Variants in DDX1 observed in about 807,000 individuals in gnomAD.
The protein encoded by DDX1 is DEAD-box helicase 1.
In DDX1, 28 loss-of-function variants were observed where a neutral mutation model predicts 108.7. The observed-to-expected ratio is 0.26, with a 90% CI of 0.19 to 0.35. The LOEUF (loss-of-function observed/expected upper bound fraction) is 0.35, where lower values mean the gene tolerates loss of function less well. Among genes scored for constraint, DDX1 ranks in the 10% least tolerant of loss-of-function variants. DDX1 has a pLI of 1.00. For missense variants in DDX1, 710 were observed against 884.5 expected (o/e 0.80, Z 2.50); for synonymous variants, 295 against 288.9 (o/e 1.02, Z -0.21).
intron 5 of DDX1, among the ~76,000 whole-genome samples, chr2:15,598,109 T>A (rs1241990159): frequency 6.6e-6 from 1 of 152,178 alleles, no homozygotes; most frequent in African/African-American, 2.4e-5. Context: ...TTTGTTTTGT[T>A]ATATTTTAAT....
At chr2:15,630,143 A>C in intron 25 of DDX1, 33 bp downstream of exon 25, 2 of 1,609,652 alleles carry the variant, frequency 1.2e-6, no homozygotes, top group Non-Finnish European at 1.7e-6. Flanking sequence ...TACAATTTTA[A>C]ATGTAAATAT....
At chr2:15,608,663 G>GTTTTTT (rs569566545) in intron 13 of DDX1, among the ~76,000 whole-genome samples, 281 of 106,672 alleles carry the variant, frequency 2.6e-3, no homozygotes, top group Non-Finnish European at 3.6e-3. Context: ...TTTTTTTTAG[G>GTTTTTT]TTTTTTTTTT....
At chr2:15,628,910 T>G in intron 23 of DDX1, 71 bp downstream of exon 23, 1 of 1,442,768 alleles carries the variant, frequency 6.9e-7, no homozygotes, top group Non-Finnish European at 9.7e-7. Context: ...TAAAAGCAGT[T>G]TGATTTTCCC....
intron 13 of DDX1, among the ~76,000 whole-genome samples, chr2:15,610,237 C>T (rs778125430): frequency 6.6e-6 from 1 of 152,172 alleles, no homozygotes; most frequent in Non-Finnish European, 1.5e-5. Flanking sequence ...GGCCTTTACT[C>T]TCCTGATACT....
At chr2:15,601,322 C>G (rs1283109016) in intron 6 of DDX1, among the ~76,000 whole-genome samples, 2 of 152,140 alleles carry the variant, frequency 1.3e-5, no homozygotes, top group Admixed American at 1.3e-4. Context: ...TAATTCAATT[C>G]AATTCTGACA....
intron 6 of DDX1, among the ~76,000 whole-genome samples, chr2:15,600,819 G>C (rs1157600833): frequency 1.6e-5 from 2 of 126,910 alleles, no homozygotes; most frequent in South Asian, 2.5e-4. Flanking sequence ...CGCGATCTCA[G>C]CTCACTGCAA....
At chr2:15,593,109 C>T (rs1017526455) in intron 1 of DDX1, among the ~76,000 whole-genome samples, 1 of 151,874 alleles carries the variant, frequency 6.6e-6, no homozygotes, top group East Asian at 1.9e-4. Flanking sequence ...TTAGTAGAGA[C>T]GGGGGTTTCA....
chr2:15,626,264 A>T (rs1226084301), intron 19 of DDX1, among the ~76,000 whole-genome samples: 1 of 152,170 alleles, frequency 6.6e-6, no homozygotes, highest in African/African-American at 2.4e-5. Context: ...TGCAGGATGC[A>T]ATAAAATCTC....
intron 10 of DDX1, 70 bp downstream of exon 10, chr2:15,604,579 C>G (rs1000821826): frequency 9.7e-6 from 10 of 1,031,912 alleles, no homozygotes; most frequent in Non-Finnish European, 1.2e-5. Context: ...TTAAAAATCC[C>G]CCCACCCTGT....
rs746667080 is a variant in DDX1, at chr2:15,591,895, A to G, written c.-39A>G. On this transcript the variant is annotated 5_prime_UTR_variant, in exon 1 of 26. Transcript: ENST00000233084. ...TGCCACGCCGTGTCAGTCGGGAGGG[A>G]GGGAGCGAGCAGGCGAAGCCGCGGA... is the stretch of plus-strand genomic sequence containing the variant. 6.1e-6 allele frequency: 9 copies of G among 1,466,598 alleles called. No individual in the cohort carries two copies. In the African/African-American group the frequency reaches 1.3e-4, roughly 22 times the overall value. The allele number at this position is 1,466,598 out of a possible 1,614,324, so 90.8% of individuals were successfully genotyped here.
In DDX1 at chr2:15,611,556, C is replaced by T. The variant is rs1426448098; in HGVS notation, c.957-1668C>T. Among the ~76,000 whole-genome samples the T allele has an allele frequency of 1.1e-4, 14 of 127,714 alleles. 1 individual carries two copies. Among genetic ancestry groups the T allele is most frequent in the East Asian group, 3.6e-4 (1 of 2,792 alleles). The allele number at this position is 127,714 out of a possible 152,430, so 83.8% of individuals were successfully genotyped here. A position where few individuals can be genotyped will look rare whatever the true frequency, so the allele number is the denominator to read the frequency against. Reference sequence around the variant, plus strand: ...CTCCCGGACGGGGCGGCTGGCCGGGCGGGGGGCTGACCCCCCGACCTCCCT... The same window carrying T: ...CTCCCGGACGGGGCGGCTGGCCGGGTGGGGGGCTGACCCCCCGACCTCCCT... On this transcript the variant is annotated intron_variant, in intron 13 of 25. Transcript: ENST00000233084.
intron 24 of DDX1, 91 bp downstream of exon 24, chr2:15,629,788 GT>G: frequency 1.8e-6 from 2 of 1,126,510 alleles, no homozygotes; most frequent in Non-Finnish European, 2.5e-6. Context: ...GCTTTTATCT[GT>G]TTGTCACTTA....
At chr2:15,629,773 T>G in intron 24 of DDX1, 76 bp downstream of exon 24, 20 of 1,218,916 alleles carry the variant, frequency 1.6e-5, no homozygotes, top group Non-Finnish European at 2.3e-5. Flanking sequence ...AAAAATTATA[T>G]CTTGGCTTTT....
chr2:15,596,778 A>G lies in DDX1; in HGVS notation c.162+15A>G. 6.3e-7 allele frequency: 1 copy of G among 1,593,152 alleles called. No individual in the cohort carries two copies. Among genetic ancestry groups the G allele is most frequent in the Non-Finnish European group, 8.6e-7 (1 of 1,163,516 alleles). ...GCAAAACTGGTGTAAGTAATAAATT[A>G]TATTTACTTTCTCTCTAAAAGTTGA... On this transcript the variant is annotated intron_variant, in intron 4 of 25. Coordinates refer to ENST00000233084, the MANE Select transcript of DDX1 (RefSeq NM_004939.3).
At chr2:15,608,644 AG>A (rs1488781204) in intron 13 of DDX1, among the ~76,000 whole-genome samples, 1 of 147,828 alleles carries the variant, frequency 6.8e-6, no homozygotes, top group Non-Finnish European at 1.5e-5. Context: ...ACATCACAAA[AG>A]CCTGTGTTTT....
At chr2:15,629,867 C>T (rs1188554749) in intron 24 of DDX1, 123 bp from the exon 25 acceptor site, 9 of 1,116,546 alleles carry the variant, frequency 8.1e-6, no homozygotes, top group Non-Finnish European at 1.1e-5. Context: ...GAATTTCTCT[C>T]TTCAGAAATC....
Position 15,599,696 on chromosome 2 carries a change from A to G in DDX1, c.287A>G (p.Tyr96Cys). Residue 96 changes from tyrosine to cysteine, a missense_variant, in exon 6 of 26, where the codon TAT becomes TGT. Transcript: ENST00000233084. Reference sequence around the variant, plus strand: ...CTGAACAAATGGCAGATGAACCCATATGACAGAGGATCTGCTTTTGGTAAG... The same window carrying G: ...CTGAACAAATGGCAGATGAACCCATGTGACAGAGGATCTGCTTTTGGTAAG... ...SVLNKWQMNP[Y>C]DRGSAFAIGS... The G allele has an allele frequency of 6.2e-7, 1 of 1,607,318 alleles. No individual in the cohort carries two copies.
In DDX1 at chr2:15,606,284, A is replaced by G; in HGVS notation, c.817+20A>G. The G allele has an allele frequency of 1.3e-6, 2 of 1,542,476 alleles. No individual in the cohort carries two copies. The highest frequency in any genetic ancestry group is 1.8e-6 in the Non-Finnish European group (2 of 1,118,018). On this transcript the variant is annotated intron_variant, in intron 12 of 25. Transcript: ENST00000233084. ...ACTCAGGTATTATACCTGCAAGGGT[A>G]AGGATTTCTAGAATAGTGAGAATAA... is the stretch of plus-strand genomic sequence containing the variant.
chr2:15,620,222 T>G lies in DDX1; in HGVS notation c.1221T>G (p.Ser407=), dbSNP rs1376784135. 5 of 1,613,474 alleles carry G rather than the reference T, an allele frequency of 3.1e-6. No homozygotes were observed. The highest frequency in any genetic ancestry group is 4.2e-6 in the Non-Finnish European group (5 of 1,179,880). The stretch of plus-strand genomic sequence containing the variant: ...CCTCTTCTTAGGTGATTGTTTGCTC[T>G]GCCACTTTGCATTCTTTCGATGTAA... The part of the protein sequence containing the change: ...DGKRLQVIVC[S]ATLHSFDVKK... The change falls in exon 17 of 26, where the codon TCT becomes TCG. Residue 407 remains serine, a synonymous_variant. Coordinates refer to ENST00000233084, the MANE Select transcript of DDX1 (RefSeq NM_004939.3).
Sources: gnomAD v4.1 joint callset for allele counts (sites outside exome capture counted in the v4.1 genomes callset) on GRCh38, gnomAD v4.1.1 for gene constraint, MANE v1.5 for transcripts, NCBI Gene and HGNC (gene_info 2026-07-23, HGNC 2026-07-21) for gene names.